Variants in TDRD12 observed in about 807,000 individuals in gnomAD.
The protein encoded by TDRD12 is tudor domain containing 12, also known as putative ATP-dependent RNA helicase TDRD12.
A neutral mutation model predicts 133.5 loss-of-function variants in TDRD12; 158 were observed. That is an observed-to-expected ratio of 1.18 (90% CI 1.04 to 1.35). TDRD12 has a LOEUF of 1.35. Among genes scored for constraint, TDRD12 ranks in the 40% most tolerant of loss-of-function variants. TDRD12 has a pLI of 0.00. For synonymous variants in TDRD12, 460 were observed against 477.9 expected (o/e 0.96, Z 0.49); for missense variants, 1,443 against 1,321.3 (o/e 1.09, Z -1.43).
intron 1 of TDRD12, among the ~76,000 whole-genome samples, chr19:32,730,730 T>A (rs1212205486): frequency 6.6e-6 from 1 of 152,028 alleles, no homozygotes; most frequent in African/African-American, 2.4e-5. Flanking sequence ...AATCATGAGT[T>A]CTTGGCTGGG....
Position 32,807,666 on chromosome 19 carries a change from T to C in TDRD12, c.2652+18T>C, listed in dbSNP as rs1971592321. On this transcript the variant is annotated intron_variant, in intron 22 of 27. Transcript: ENST00000444215. ...ACATTAAAGTAGGTTTGGTTAAAGA[T>C]GCTTGTGTCCTCTGACGAATGGTCA... is the stretch of plus-strand genomic sequence containing the variant. 2.0e-6 allele frequency: 3 copies of C among 1,474,648 alleles called. No individual in the cohort carries two copies. The highest frequency in any genetic ancestry group is 1.8e-6 in the Non-Finnish European group (2 of 1,099,684). The allele number at this position is 1,474,648 out of a possible 1,614,324, so 91.3% of individuals were successfully genotyped here.
At chr19:32,770,071 A>G (rs966282665) in intron 8 of TDRD12, among the ~76,000 whole-genome samples, 1 of 150,060 alleles carries the variant, frequency 6.7e-6, no homozygotes, top group Admixed American at 6.6e-5. Context: ...AGGCAGTGAG[A>G]TCATGGCTGA....
intron 2 of TDRD12, among the ~76,000 whole-genome samples, chr19:32,738,460 G>A (rs1257589134): frequency 6.6e-6 from 1 of 152,134 alleles, no homozygotes; most frequent in African/African-American, 2.4e-5. Flanking sequence ...TGACTGGGAT[G>A]GTTTTGAGAG....
At position 32,770,323 on chromosome 19, in the gene TDRD12, A is replaced by G. The variant is rs112139764; in HGVS notation, c.866-2430A>G. Among the ~76,000 whole-genome samples the G allele has an allele frequency of 9.1e-3, 1,389 of 151,912 alleles. 17 individuals carry two copies. The highest frequency in any genetic ancestry group is 0.03 in the African/African-American group (1,250 of 41,458). On this transcript the variant is annotated intron_variant, in intron 8 of 27. Transcript: ENST00000444215. ...CTCCTGGCCTCTTTTTGTGTTTTCT[A>G]TTGACCGTAATTTTCCTTTCTATTT...
intron 14 of TDRD12, among the ~76,000 whole-genome samples, chr19:32,797,103 C>T (rs79660436): frequency 0.11 from 16,173 of 151,704 alleles, 1,084 homozygotes; most frequent in Middle Eastern, 0.17. Context: ...GTCTCAGCCT[C>T]CTGAGTAGCT....
At chr19:32,801,056 A>G (rs1971373431) in intron 18 of TDRD12, among the ~76,000 whole-genome samples, 1 of 152,010 alleles carries the variant, frequency 6.6e-6, no homozygotes, top group South Asian at 2.1e-4. Flanking sequence ...ATTTATAGAC[A>G]TGACAACATC....
intron 24 of TDRD12, among the ~76,000 whole-genome samples, chr19:32,811,699 G>A (rs1967012658): frequency 6.6e-6 from 1 of 152,120 alleles, no homozygotes. Flanking sequence ...GCCTAAGCAG[G>A]GGAAGCACCT....
At chr19:32,821,186 T>C in exon 28 of TDRD12, 1 of 1,434,000 alleles carries the variant, frequency 7.0e-7, no homozygotes, top group Non-Finnish European at 9.4e-7. Context: ...ATCGTTAATG[T>C]CTGGAAAATT....
chr19:32,768,304 C>G (rs1970353779), intron 8 of TDRD12, among the ~76,000 whole-genome samples: 1 of 151,842 alleles, frequency 6.6e-6, no homozygotes, highest in South Asian at 2.1e-4. Flanking sequence ...TTTTAATTCT[C>G]TTTTAAAGAG....
At chr19:32,770,489 T>C (rs1970415335) in intron 8 of TDRD12, among the ~76,000 whole-genome samples, 1 of 152,224 alleles carries the variant, frequency 6.6e-6, no homozygotes, top group East Asian at 1.9e-4. Context: ...AAGGTCATCA[T>C]TGTCTGTCCT....
downstream of TDRD12, among the ~76,000 whole-genome samples, chr19:32,823,278 G>A (rs966607022): frequency 6.6e-6 from 1 of 152,238 alleles, no homozygotes; most frequent in African/African-American, 2.4e-5. Context: ...CTGTGACGAA[G>A]GCAGCCTTGC....
intron 1 of TDRD12, among the ~76,000 whole-genome samples, chr19:32,726,573 G>A (rs1198230473): frequency 6.6e-6 from 1 of 151,876 alleles, no homozygotes; most frequent in Admixed American, 6.6e-5. Context: ...TCATTATGTT[G>A]TACCATGTGT....
intron 4 of TDRD12, among the ~76,000 whole-genome samples, chr19:32,746,182 C>T (rs1415119927): frequency 3.5e-4 from 26 of 73,920 alleles, no homozygotes; most frequent in East Asian, 8.2e-4. Context: ...GTGAGAGAGA[C>T]GGGGAGACTG....
intron 13 of TDRD12, among the ~76,000 whole-genome samples, chr19:32,792,091 C>G (rs542770565): frequency 6.6e-6 from 1 of 151,984 alleles, no homozygotes; most frequent in Admixed American, 6.6e-5. Flanking sequence ...ACTAAAAATA[C>G]AAAAATTCGC....
intron 1 of TDRD12, among the ~76,000 whole-genome samples, chr19:32,726,142 G>A (rs1282861580): frequency 6.6e-6 from 1 of 150,842 alleles, no homozygotes; most frequent in Non-Finnish European, 1.5e-5. Context: ...ATGCAGTGGT[G>A]CGATCTCAGC....
downstream of TDRD12, chr19:32,825,968 C>T: frequency 4.8e-6 from 3 of 631,258 alleles, no homozygotes; most frequent in South Asian, 2.6e-5. This position sits in a 1 kb window ranked among gnomAD's most constrained non-coding sequence, Gnocchi z 4.1. Flanking sequence ...TAGGGTTACT[C>T]AATTTACACT....
At chr19:32,786,259 C>G (rs1568477486) in intron 11 of TDRD12, among the ~76,000 whole-genome samples, 1 of 152,170 alleles carries the variant, frequency 6.6e-6, no homozygotes, top group Non-Finnish European at 1.5e-5. Context: ...TTGGCCCCCA[C>G]TCTCTTCTGG....
chr19:32,792,098 T>C (rs911868497), intron 13 of TDRD12, among the ~76,000 whole-genome samples: 2 of 151,850 alleles, frequency 1.3e-5, no homozygotes, highest in Admixed American at 6.6e-5. Flanking sequence ...ATACAAAAAT[T>C]CGCCAGGCAT....
chr19:32,796,718 G>A lies in TDRD12; in HGVS notation c.1474-1017G>A, dbSNP rs866537007. ...ATGAGAAGTCGCTTATATTGAGGCC[G>A]AACCCAGGCTCAGGGCAGAAGGGGA... is the stretch of plus-strand genomic sequence containing the variant. On this transcript the variant is annotated intron_variant, in intron 14 of 27. Transcript: ENST00000444215. 3.3e-5 allele frequency among the ~76,000 whole-genome samples: 5 copies of A among 152,166 alleles called. No individual in the cohort carries two copies. In the South Asian group the frequency reaches 8.3e-4, roughly 25 times the overall value.
Sources: allele counts gnomAD v4.1 joint callset (sites outside exome capture counted in the v4.1 genomes callset), GRCh38; gene constraint gnomAD v4.1.1; non-coding constraint Gnocchi (gnomAD v3.1); transcripts MANE v1.5; gene names NCBI Gene and HGNC (gene_info 2026-07-23, HGNC 2026-07-21).